BABAM2: variants seen among roughly 807,000 people sequenced by gnomAD.
BABAM2 encodes BRISC and BRCA1 A complex member 2.
A neutral mutation model predicts 54.7 loss-of-function variants in BABAM2; 31 were observed. That is an observed-to-expected ratio of 0.57 (90% confidence interval 0.43 to 0.77). The LOEUF (loss-of-function observed/expected upper bound fraction) is 0.77. Ranked by LOEUF, BABAM2 falls within the 30% of genes least tolerant of loss-of-function variation. BABAM2 has a pLI of 0.00. For synonymous variants in BABAM2, 167 were observed against 162.9 expected (o/e 1.03, Z -0.19); for missense variants, 364 against 455.8 (o/e 0.80, Z 1.83).
intron 10 of BABAM2, among the ~76,000 whole-genome samples, chr2:28,264,587 C>A (rs1425670416): frequency 6.6e-6 from 1 of 152,132 alleles, no homozygotes; most frequent in African/African-American, 2.4e-5. Flanking sequence ...GGGCCAAAAC[C>A]GTCAGTTCAT....
chr2:28,265,508 C>A (rs1334599547), intron 10 of BABAM2, among the ~76,000 whole-genome samples: 2 of 152,122 alleles, frequency 1.3e-5, no homozygotes, highest in Admixed American at 1.3e-4. Context: ...AACTGAAAAG[C>A]GGGTAGCTGC....
At chr2:28,190,699 G>A (rs1397985484) in intron 7 of BABAM2, among the ~76,000 whole-genome samples, 1 of 152,006 alleles carries the variant, frequency 6.6e-6, no homozygotes, top group Admixed American at 6.6e-5. Context: ...AAAACAAGGG[G>A]GGGGCGGTGC....
At chr2:28,183,258 G>A (rs1166267832) in intron 7 of BABAM2, among the ~76,000 whole-genome samples, 2 of 152,108 alleles carry the variant, frequency 1.3e-5, no homozygotes, top group Non-Finnish European at 2.9e-5. Flanking sequence ...GGCCAACATG[G>A]TGAAACCCCA....
chr2:28,261,806 G>A (rs1294968472), intron 10 of BABAM2, among the ~76,000 whole-genome samples: 1 of 114,350 alleles, frequency 8.7e-6, no homozygotes, highest in Non-Finnish European at 1.7e-5. Context: ...CTCCCTTCCA[G>A]TGGCCTCCAG....
At chr2:28,175,155 T>A (rs1025210486) in intron 7 of BABAM2, among the ~76,000 whole-genome samples, 4 of 152,076 alleles carry the variant, frequency 2.6e-5, no homozygotes, top group African/African-American at 9.7e-5. Context: ...GCCACAGCTG[T>A]CACCATTAGG....
intron 6 of BABAM2, among the ~76,000 whole-genome samples, chr2:28,077,349 A>C (rs1664778743): frequency 6.6e-6 from 1 of 152,156 alleles, no homozygotes; most frequent in Non-Finnish European, 1.5e-5. Context: ...AAATATTTTT[A>C]TGGAGTCTGT....
chr2:27,974,134 C>T (rs1157450539), intron 3 of BABAM2, among the ~76,000 whole-genome samples: 1 of 152,010 alleles, frequency 6.6e-6, no homozygotes, highest in African/African-American at 2.4e-5. Context: ...AAAAAGTCAC[C>T]AATTTTATGC....
At chr2:28,109,097 G>C (rs1484889979) in intron 6 of BABAM2, among the ~76,000 whole-genome samples, 2 of 151,732 alleles carry the variant, frequency 1.3e-5, no homozygotes, top group Non-Finnish European at 2.9e-5. Context: ...CACTACAGCT[G>C]ACCAGGGGAG....
At chr2:28,314,776 A>G (rs1184751490) in intron 11 of BABAM2, among the ~76,000 whole-genome samples, 1 of 151,198 alleles carries the variant, frequency 6.6e-6, no homozygotes, top group Admixed American at 6.6e-5. Context: ...AAAGAAGATT[A>G]TGTCTGTTTA....
chr2:28,037,079 A>T (rs990637498), intron 5 of BABAM2, among the ~76,000 whole-genome samples: 1 of 152,122 alleles, frequency 6.6e-6, no homozygotes, highest in Non-Finnish European at 1.5e-5. Flanking sequence ...ATTCCTTAAA[A>T]TTTTTTCGAA....
chr2:27,941,614 A>C (rs950206094), intron 3 of BABAM2, among the ~76,000 whole-genome samples: 1 of 152,168 alleles, frequency 6.6e-6, no homozygotes, highest in Non-Finnish European at 1.5e-5. Flanking sequence ...TGGATATTTC[A>C]AAGCTGTTTG....
intron 2 of BABAM2, among the ~76,000 whole-genome samples, chr2:27,916,812 G>A (rs1365887614): frequency 1.3e-5 from 2 of 151,838 alleles, no homozygotes; most frequent in African/African-American, 2.4e-5. Context: ...TGCTCTCTTC[G>A]CTCCTATTGT....
intron 6 of BABAM2, among the ~76,000 whole-genome samples, chr2:28,079,414 C>T (rs187709621): frequency 6.6e-6 from 1 of 152,224 alleles, no homozygotes; most frequent in East Asian, 1.9e-4. Flanking sequence ...ACTCCAATGA[C>T]AGTGTTTATT....
At chr2:28,213,395 C>G (rs1318902114) in intron 7 of BABAM2, among the ~76,000 whole-genome samples, 2 of 151,934 alleles carry the variant, frequency 1.3e-5, no homozygotes, top group Non-Finnish European at 2.9e-5. Flanking sequence ...CGTTTGCCTA[C>G]CTTTTTGAGA....
At chr2:28,073,037 C>T (rs1213957345) in intron 6 of BABAM2, among the ~76,000 whole-genome samples, 2 of 152,206 alleles carry the variant, frequency 1.3e-5, no homozygotes, top group Non-Finnish European at 2.9e-5. Flanking sequence ...CTTTCCTTCT[C>T]TTTCTCTGCT....
intron 7 of BABAM2, among the ~76,000 whole-genome samples, chr2:28,161,828 C>T (rs1230763624): frequency 1.3e-5 from 2 of 152,022 alleles, no homozygotes; most frequent in Non-Finnish European, 2.9e-5. Context: ...GAGTGAGGTA[C>T]TATTTTCATT....
In BABAM2 at chr2:28,338,631, GCAGCT is replaced by G. The variant is rs1691681112; in HGVS notation, c.*119_*123del. 8.1e-7 allele frequency: 1 copy of G among 1,236,902 alleles called. No homozygotes were observed. Among genetic ancestry groups the G allele is most frequent in the Admixed American group, 1.8e-5 (1 of 56,568 alleles). 76.6% of individuals were successfully genotyped at this position (1,236,902 alleles called of 1,614,324 possible). A position where few individuals can be genotyped will look rare whatever the true frequency, so the allele number is the denominator to read the frequency against. Reference sequence around the variant, plus strand: ...TTCACGGCAGCGTTTTGCTCACACAGCAGCTTTTGCACGCCCCAGGCAGCCCCGAC... The same window carrying G: ...TTCACGGCAGCGTTTTGCTCACACAGTTTGCACGCCCCAGGCAGCCCCGAC... On this transcript the variant is annotated 3_prime_UTR_variant, in exon 12 of 12. Coordinates refer to ENST00000379624, the MANE Select transcript of BABAM2 (RefSeq NM_199191.3).
intron 2 of BABAM2, among the ~76,000 whole-genome samples, chr2:27,911,298 T>C (rs1666577652): frequency 6.6e-6 from 1 of 152,206 alleles, no homozygotes; most frequent in South Asian, 2.1e-4. Context: ...TTTGCAAATG[T>C]ATAATATGTA....
At position 28,150,580 on chromosome 2, in the gene BABAM2, A is replaced by T. The variant is rs73922245; in HGVS notation, c.680+21200A>T. 7.0e-3 allele frequency among the ~76,000 whole-genome samples: 1,069 copies of T among 152,332 alleles called. 13 individuals carry two copies. The highest frequency in any genetic ancestry group is 0.024 in the African/African-American group (999 of 41,570). ...AAATGGGGCAATCTGTAAGTATTTT[A>T]GTGGCTCTTGAAGGAGGACCAGTTC... On this transcript the variant is annotated intron_variant, in intron 7 of 11. Transcript: ENST00000379624.
Sources: allele counts gnomAD v4.1 joint callset (sites outside exome capture counted in the v4.1 genomes callset), GRCh38; gene constraint gnomAD v4.1.1; transcripts MANE v1.5; gene names NCBI Gene and HGNC (gene_info 2026-07-23, HGNC 2026-07-21).